CNOT9: variants seen among roughly 807,000 people sequenced by gnomAD.
CNOT9 encodes RCD1 required for cell differentiation1 homolog.
A neutral mutation model predicts 37.4 loss-of-function variants in CNOT9; 8 were observed. The observed-to-expected ratio is 0.21, with a 90% CI of 0.13 to 0.39. The LOEUF is 0.39. Ranked by LOEUF, CNOT9 falls within the 10% of genes least tolerant of loss-of-function variation. CNOT9 has a pLI of 1.00. For missense variants in CNOT9, 154 were observed against 365.3 expected (o/e 0.42, Z 4.71); for synonymous variants, 120 against 137.6 (o/e 0.87, Z 0.90).
At chr2:218,570,742 C>T (rs1382353299) in intron 1 of CNOT9, among the ~76,000 whole-genome samples, 1 of 152,192 alleles carries the variant, frequency 6.6e-6, no homozygotes, top group Non-Finnish European at 1.5e-5. Flanking sequence ...GTAGCTATTC[C>T]TTTTATTTTC....
At chr2:218,582,562 C>T (rs1254660387) in intron 2 of CNOT9, among the ~76,000 whole-genome samples, 1 of 152,076 alleles carries the variant, frequency 6.6e-6, no homozygotes, top group South Asian at 2.1e-4. Context: ...TGGTGGCAGG[C>T]GCCTGTAGTC....
chr2:218,584,496 GAT>G lies in CNOT9; in HGVS notation c.321-115_321-114del, dbSNP rs2106091148. ...TGACCAGTAACATTGTTTTCCTAAG[GAT>G]TCCTTGCTCTGACAATGTTAAGGCC... is the stretch of plus-strand genomic sequence containing the variant. On this transcript the variant is annotated intron_variant, in intron 3 of 7. Coordinates refer to ENST00000273064, the MANE Select transcript of CNOT9 (RefSeq NM_005444.3). The G allele has an allele frequency of 6.3e-6, 5 of 787,642 alleles. No individual in the cohort carries two copies. The East Asian group carries it at 1.2e-4, about 19-fold the overall frequency. The allele number at this position is 787,642 out of a possible 1,614,324, so 48.8% of individuals were successfully genotyped here.
chr2:218,592,194 C>T lies in CNOT9; in HGVS notation c.541-110C>T. The T allele has an allele frequency of 6.8e-6, 5 of 737,106 alleles. No homozygotes were observed. Among genetic ancestry groups the T allele is most frequent in the Non-Finnish European group, 9.6e-6 (4 of 416,800 alleles). The allele number at this position is 737,106 out of a possible 1,614,324, so 45.7% of individuals were successfully genotyped here. On this transcript the variant is annotated intron_variant, in intron 5 of 7. Coordinates refer to ENST00000273064, the MANE Select transcript of CNOT9 (RefSeq NM_005444.3). This position sits in a 1 kb window ranked among gnomAD's most constrained non-coding sequence, Gnocchi z 4.1. ...AAAGTTGTACATAATATACAAGGAT[C>T]CCTGCTTGCTCAATTTTCTGACTGA...
Position 218,594,268 on chromosome 2 carries a change from C to T in CNOT9, c.892C>T (p.Pro298Ser). The change falls in exon 8 of 8, where the codon CCT becomes TCT. Residue 298 changes from proline (P) to serine (S), a missense_variant. By Grantham distance (74) the Pro-to-Ser change is moderately conservative (BLOSUM62 -1). This residue lies in a region of CNOT9 where 117 missense variants were observed against 325.4 expected (regional missense o/e 0.36). Transcript: ENST00000273064. ...CGATCCCCGGGGTATCCCCCTGCCCCCTCAGTGATCCTTCCCTGTTCCCTC... is the reference window on the plus strand; with the variant it reads ...CGATCCCCGGGGTATCCCCCTGCCCTCTCAGTGATCCTTCCCTGTTCCCTC... ...VTDPRGIPLPPQ is the reference protein window; with the variant it reads ...VTDPRGIPLPSQ The T allele has an allele frequency of 1.2e-6, 2 of 1,608,062 alleles. No individual in the cohort carries two copies. The highest frequency in any genetic ancestry group is 4.5e-5 in the East Asian group (2 of 44,580).
chr2:218,592,497 G>C lies in CNOT9; in HGVS notation c.639+95G>C. The C allele has an allele frequency of 6.9e-7, 1 of 1,454,484 alleles. No individual in the cohort carries two copies. The highest frequency in any genetic ancestry group is 9.7e-7 in the Non-Finnish European group (1 of 1,034,734). 90.1% of individuals were successfully genotyped at this position (1,454,484 alleles called of 1,614,324 possible). A position where few individuals can be genotyped will look rare whatever the true frequency, so the allele number is the denominator to read the frequency against. On this transcript the variant is annotated intron_variant, in intron 6 of 7. Coordinates refer to ENST00000273064, the MANE Select transcript of CNOT9 (RefSeq NM_005444.3). The surrounding 1 kb of genome is among the most constrained non-coding windows in gnomAD (Gnocchi z 4.1). ...TTGAACAACTTCAGTCCTCTGACTA[G>C]AACTAACAATTTTGGAACCTTTTAT...
intron 2 of CNOT9, chr2:218,581,170 CT>C (rs5838702): frequency 0.14 from 33,034 of 243,530 alleles, 249 homozygotes; most frequent in South Asian, 0.21. Flanking sequence ...GTTTGTTTTT[CT>C]TTTTTTTTTT....
chr2:218,594,043 C>A, intron 7 of CNOT9, 65 bp from the exon 8 acceptor site: 1 of 1,499,584 alleles, frequency 6.7e-7, no homozygotes, highest in Non-Finnish European at 9.2e-7. Context: ...GGGGGCTCTT[C>A]CCTGTCCACA....
intron 1 of CNOT9, among the ~76,000 whole-genome samples, chr2:218,574,510 G>A (rs1694102967): frequency 6.6e-6 from 1 of 152,118 alleles, no homozygotes; most frequent in African/African-American, 2.4e-5. Flanking sequence ...TCAACTTGGA[G>A]GAGTATTTGT....
intron 2 of CNOT9, among the ~76,000 whole-genome samples, chr2:218,581,525 T>G (rs1694378562): frequency 6.6e-6 from 1 of 152,110 alleles, no homozygotes; most frequent in Non-Finnish European, 1.5e-5. Context: ...GGTACACTTG[T>G]ACATTAAAGA....
At chr2:218,582,487 G>A (rs1270337692) in intron 2 of CNOT9, among the ~76,000 whole-genome samples, 1 of 152,150 alleles carries the variant, frequency 6.6e-6, no homozygotes, top group African/African-American at 2.4e-5. Flanking sequence ...TCAGCAGATC[G>A]AGACCATCCT....
intron 7 of CNOT9, chr2:218,593,477 A>AT (rs1290516603): frequency 1.7e-6 from 2 of 1,183,478 alleles, no homozygotes; most frequent in African/African-American, 3.1e-5. Flanking sequence ...TGCAAAAACT[A>AT]TAACTTTGTT....
rs897234846 is a variant in CNOT9, at chr2:218,592,991, T to C, written c.731+284T>C. The C allele has an allele frequency of 5.0e-6, 2 of 402,118 alleles. No individual in the cohort carries two copies. Among genetic ancestry groups the C allele is most frequent in the East Asian group, 1.1e-4 (2 of 18,968 alleles). The allele number at this position is 402,118 out of a possible 1,614,324, so 24.9% of individuals were successfully genotyped here. ...GATGCATTACTCCTGTTGTTTGAATTTTCTGTTGCTACTCTACGTGGTCAG... is the reference window on the plus strand; with the variant it reads ...GATGCATTACTCCTGTTGTTTGAATCTTCTGTTGCTACTCTACGTGGTCAG... On this transcript the variant is annotated intron_variant, in intron 7 of 7. Coordinates refer to ENST00000273064, the MANE Select transcript of CNOT9 (RefSeq NM_005444.3). This position sits in a 1 kb window ranked among gnomAD's most constrained non-coding sequence, Gnocchi z 4.1.
chr2:218,570,066 C>T (rs1693928124), intron 1 of CNOT9, among the ~76,000 whole-genome samples: 1 of 152,118 alleles, frequency 6.6e-6, no homozygotes, highest in Non-Finnish European at 1.5e-5. Context: ...CGTGGTTTCC[C>T]CGGTGCCAGG....
chr2:218,588,632 T>C lies in CNOT9; in HGVS notation c.540+937T>C, dbSNP rs1317247958. On this transcript the variant is annotated intron_variant, in intron 5 of 7. Transcript: ENST00000273064. ...TTTTTTTTGAGATGGAGTGATGTAA[T>C]CTCAGCTCGCTGCAACCTCCACCTA... is the stretch of plus-strand genomic sequence containing the variant. 6.3e-5 allele frequency among the ~76,000 whole-genome samples: 8 copies of C among 126,840 alleles called. No individual in the cohort carries two copies. In the South Asian group the frequency reaches 2.1e-3, roughly 33 times the overall value. 83.2% of individuals were successfully genotyped at this position (126,840 alleles called of 152,430 possible).
At chr2:218,593,498 C>A in intron 7 of CNOT9, 1 of 1,363,230 alleles carries the variant, frequency 7.3e-7, no homozygotes, top group Non-Finnish European at 9.9e-7. Flanking sequence ...TAAAATAGCT[C>A]TACACATAGT....
chr2:218,575,491 C>T (rs778887114), intron 1 of CNOT9, among the ~76,000 whole-genome samples: 2 of 144,952 alleles, frequency 1.4e-5, no homozygotes, highest in African/African-American at 2.5e-5. Flanking sequence ...CTGCAAGCTC[C>T]GCTTCCCGGG....
intron 3 of CNOT9, among the ~76,000 whole-genome samples, chr2:218,583,616 G>C (rs1384061198): frequency 2.6e-5 from 4 of 152,156 alleles, no homozygotes; most frequent in Non-Finnish European, 5.9e-5. Flanking sequence ...GGGAAATCCT[G>C]TTCAGGAATC....
At chr2:218,583,163 A>G in intron 3 of CNOT9, 77 bp downstream of exon 3, 1 of 788,082 alleles carries the variant, frequency 1.3e-6, no homozygotes. Context: ...TAATAAAAGG[A>G]AGGGCATGGA....
chr2:218,592,567 G>A lies in CNOT9; in HGVS notation c.640-49G>A, dbSNP rs1442109344. On this transcript the variant is annotated intron_variant, in intron 6 of 7. Transcript: ENST00000273064. The surrounding 1 kb of genome is among the most constrained non-coding windows in gnomAD (Gnocchi z 4.1). ...CTCTGATGTCAATTAGAATTTGTTT[G>A]TGTTTTGTGTGTTTTTTCCAACCCC... 6.4e-7 allele frequency: 1 copy of A among 1,573,066 alleles called. No homozygotes were observed. Among genetic ancestry groups the A allele is most frequent in the Admixed American group, 1.7e-5 (1 of 59,986 alleles).
Sources: gnomAD v4.1 joint callset for allele counts (sites outside exome capture counted in the v4.1 genomes callset) on GRCh38, gnomAD v4.1.1 for gene constraint, gnomAD v4.1.1 regional missense constraint, Gnocchi (gnomAD v3.1) non-coding constraint, MANE v1.5 for transcripts, NCBI Gene and HGNC (gene_info 2026-07-23, HGNC 2026-07-21) for gene names.